ZNF197: variants seen among roughly 807,000 people sequenced by gnomAD.
ZNF197 encodes the protein zinc finger protein 197, also known as VHL-associated KRAB-A domain-containing protein.
A neutral mutation model predicts 27.4 loss-of-function variants in ZNF197; 14 were observed. The observed-to-expected ratio is 0.51, with a 90% CI of 0.34 to 0.80. The LOEUF is 0.80. Ranked by LOEUF, ZNF197 falls within the 30% of genes least tolerant of loss-of-function variation. The pLI is 0.02. For missense variants in ZNF197, 1,090 were observed against 1,222.6 expected (o/e 0.89, Z 1.62); for synonymous variants, 415 against 420.0 (o/e 0.99, Z 0.15).
rs112871853 is a variant in ZNF197, at chr3:44,631,679, G to T, written c.551-426G>T. 1.2e-3 allele frequency among the ~76,000 whole-genome samples: 179 copies of T among 151,312 alleles called. 1 individual carries two copies. The highest frequency in any genetic ancestry group is 4.1e-3 in the African/African-American group (168 of 41,248). ...GCCTCCCAAAGTGCTGGGATTACAG[G>T]TGTGAGCCACTGCACCCGGCCATTT... On this transcript the variant is annotated intron_variant, in intron 3 of 5. Coordinates refer to ENST00000344387, the MANE Select transcript of ZNF197 (RefSeq NM_006991.5).
intron 1 of ZNF197, among the ~76,000 whole-genome samples, chr3:44,625,819 T>C (rs1173639910): frequency 6.6e-6 from 1 of 152,108 alleles, no homozygotes; most frequent in Admixed American, 6.5e-5. Context: ...CGATTGTTAC[T>C]GGTTTTCTCT....
chr3:44,630,308 A>T lies in ZNF197; in HGVS notation c.391-754A>T, dbSNP rs543088052. 4.6e-5 allele frequency among the ~76,000 whole-genome samples: 7 copies of T among 152,292 alleles called. No homozygotes were observed. The East Asian group carries it at 1.4e-3, about 29-fold the overall frequency. On this transcript the variant is annotated intron_variant, in intron 2 of 5. Coordinates refer to ENST00000344387, the MANE Select transcript of ZNF197 (RefSeq NM_006991.5). ...TCTCCTCTTGTGTGCCCTACTAGGG[A>T]TCTGCAAGCCAAGGGATTGGGTTAA...
chr3:44,643,193 G>A lies in ZNF197; in HGVS notation c.2063G>A (p.Gly688Asp), dbSNP rs148048396. The A allele has an allele frequency of 1.2e-6, 2 of 1,613,344 alleles. No homozygotes were observed. The highest frequency in any genetic ancestry group is 3.3e-5 in the Admixed American group (2 of 59,902). ...TGTAAAGATTGTGGTAAGGTCTTCG[G>A]TTCAAACAGAAACCTCATTGACCAT... Reference protein sequence around the residue: ...YECKDCGKVFGSNRNLIDHER... With the variant: ...YECKDCGKVFDSNRNLIDHER... Residue 688 changes from glycine to aspartate, a missense_variant, in exon 6 of 6, where the codon GGT becomes GAT. By Grantham distance (94) the Gly-to-Asp change is moderately conservative. Transcript: ENST00000344387.
chr3:44,644,420 C>T lies in ZNF197; in HGVS notation c.*200C>T. 8.0e-7 allele frequency: 1 copy of T among 1,257,736 alleles called. No homozygotes were observed. Among genetic ancestry groups the T allele is most frequent in the Non-Finnish European group, 1.0e-6 (1 of 985,876 alleles). 77.9% of individuals were successfully genotyped at this position (1,257,736 alleles called of 1,614,324 possible). Reference sequence around the variant, plus strand: ...TTGAGAGGCCGAAGCGAGTGGATCACCTGAGGTCAGGATTTTGAGACCAGC... The same window carrying T: ...TTGAGAGGCCGAAGCGAGTGGATCATCTGAGGTCAGGATTTTGAGACCAGC... On this transcript the variant is annotated 3_prime_UTR_variant, in exon 6 of 6. Coordinates refer to ENST00000344387, the MANE Select transcript of ZNF197 (RefSeq NM_006991.5).
chr3:44,629,653 T>A, intron 2 of ZNF197, 109 bp downstream of exon 2: 1 of 1,311,488 alleles, frequency 7.6e-7, no homozygotes, highest in Non-Finnish European at 1.0e-6. Flanking sequence ...ATAGCATTAA[T>A]AGCACACTAG....
chr3:44,642,632 A>G lies in ZNF197; in HGVS notation c.1502A>G (p.Gln501Arg). 6.2e-7 allele frequency: 1 copy of G among 1,614,108 alleles called. No homozygotes were observed. Among genetic ancestry groups the G allele is most frequent in the Non-Finnish European group, 8.5e-7 (1 of 1,180,030 alleles). The change falls in exon 6 of 6, where the codon CAG (glutamine) becomes CGG (arginine). Residue 501 changes from glutamine to arginine, a missense_variant. Transcript: ENST00000344387. ...CAGAATGCTTACCTCATTGACCATC[A>G]GAGGCTCCACAAAGGGGAAGAACCT... Reference protein sequence around the residue: ...FSQNAYLIDHQRLHKGEEPYK... With the variant: ...FSQNAYLIDHRRLHKGEEPYK...
intron 2 of ZNF197, 121 bp from the exon 3 acceptor site, chr3:44,630,941 C>A: frequency 7.5e-7 from 1 of 1,340,720 alleles, no homozygotes; most frequent in Non-Finnish European, 1.1e-6. Flanking sequence ...ATGCTCCATA[C>A]TTGAGGTGGG....
In ZNF197 at chr3:44,648,257, A is replaced by G. The variant is rs1170852913; in HGVS notation, c.*4037A>G. The G allele has an allele frequency of 1.3e-5, 2 of 152,138 alleles. No individual in the cohort carries two copies. Among genetic ancestry groups the G allele is most frequent in the African/African-American group, 4.8e-5 (2 of 41,446 alleles). The allele number at this position is 152,138 out of a possible 1,614,324, so 9.4% of individuals were successfully genotyped here. A position where few individuals can be genotyped will look rare whatever the true frequency, so the allele number is the denominator to read the frequency against. On this transcript the variant is annotated 3_prime_UTR_variant, in exon 6 of 6. Transcript: ENST00000344387. ...TGGTGGTAGTTTGAAGAATATTCTT[A>G]ATCTTAAGGGATGCATGTTGAAGTA... is the stretch of plus-strand genomic sequence containing the variant.
chr3:44,647,592 T>G lies in ZNF197; in HGVS notation c.*3372T>G, dbSNP rs1703031947. ...TGGTTAAAACAAATTGTGGTTTATG[T>G]ATTACCATGGAATACTTGTTACTCT... is the stretch of plus-strand genomic sequence containing the variant. On this transcript the variant is annotated 3_prime_UTR_variant, in exon 6 of 6. Transcript: ENST00000344387. 2 of 152,362 alleles carry G rather than the reference T, an allele frequency of 1.3e-5. No individual in the cohort carries two copies. The highest frequency in any genetic ancestry group is 4.1e-4 in the South Asian group (2 of 4,832). 9.4% of individuals were successfully genotyped at this position (152,362 alleles called of 1,614,324 possible). A position where few individuals can be genotyped will look rare whatever the true frequency, so the allele number is the denominator to read the frequency against.
Position 44,643,339 on chromosome 3 carries a change from G to A in ZNF197, c.2209G>A (p.Glu737Lys). The A allele has an allele frequency of 1.9e-6, 3 of 1,613,990 alleles. No homozygotes were observed. Among genetic ancestry groups the A allele is most frequent in the Non-Finnish European group, 2.5e-6 (3 of 1,179,966 alleles). The change falls in exon 6 of 6, where the codon GAG (glutamate) becomes AAG (lysine). Residue 737 changes from glutamate to lysine, a missense_variant. Physicochemically the swap from Glu to Lys is moderately conservative, Grantham distance 56. Transcript: ENST00000344387. The part of the protein sequence containing the change: ...LHTQEKAYKC[E>K]DCGKAFSYNS... ...TACACAAGAGAAAGCCTACAAATGT[G>A]AGGATTGTGGGAAGGCTTTCAGTTA...
chr3:44,633,484 T>C (rs1440526020), intron 5 of ZNF197, among the ~76,000 whole-genome samples: 6 of 152,204 alleles, frequency 3.9e-5, no homozygotes, highest in East Asian at 3.9e-4. Context: ...TCAGTTTCAT[T>C]CCTAGGGATT....
At chr3:44,632,751 A>G (rs1376727749) in intron 5 of ZNF197, 152 bp downstream of exon 5, 3 of 975,326 alleles carry the variant, frequency 3.1e-6, no homozygotes, top group Non-Finnish European at 4.2e-6. Context: ...CCAGATAACT[A>G]TTATCATTTT....
At position 44,648,301 on chromosome 3, in the gene ZNF197, G is replaced by A. The variant is rs889502687; in HGVS notation, c.*4081G>A. 3.9e-5 allele frequency: 6 copies of A among 152,130 alleles called. No homozygotes were observed. Among genetic ancestry groups the A allele is most frequent in the African/African-American group, 9.7e-5 (4 of 41,430 alleles). 9.4% of individuals were successfully genotyped at this position (152,130 alleles called of 1,614,324 possible). On this transcript the variant is annotated 3_prime_UTR_variant, in exon 6 of 6. Coordinates refer to ENST00000344387, the MANE Select transcript of ZNF197 (RefSeq NM_006991.5). The stretch of plus-strand genomic sequence containing the variant: ...TGAAGTATTTGGAATGAAGTGTTCT[G>A]ATGTTTACAACTTTCAAAAAAATGA...
chr3:44,643,125 C>G lies in ZNF197; in HGVS notation c.1995C>G (p.Leu665=), dbSNP rs749298986. Residue 665 remains leucine (L), a synonymous_variant, in exon 6 of 6, where the codon CTC becomes CTG. Coordinates refer to ENST00000344387, the MANE Select transcript of ZNF197 (RefSeq NM_006991.5). ...CGKVFILKKS[L]ILHQRFHTGE... is the part of the protein sequence containing the mutation. Reference sequence around the variant, plus strand: ...AAGTTTTTATTCTGAAGAAGAGCCTCATTTTACATCAAAGGTTCCACACTG... The same window carrying G: ...AAGTTTTTATTCTGAAGAAGAGCCTGATTTTACATCAAAGGTTCCACACTG... The G allele has an allele frequency of 5.8e-5, 93 of 1,612,814 alleles. No individual in the cohort carries two copies. Among genetic ancestry groups the G allele is most frequent in the South Asian group, 2.9e-4 (26 of 90,902 alleles).
chr3:44,644,316 C>T lies in ZNF197; in HGVS notation c.*96C>T, dbSNP rs571077173. The stretch of plus-strand genomic sequence containing the variant: ...CTAAGGAAAAAGTTTATTATTTACT[C>T]TTTACTAGACAAATGAGTAGCATAT... On this transcript the variant is annotated 3_prime_UTR_variant, in exon 6 of 6. Coordinates refer to ENST00000344387, the MANE Select transcript of ZNF197 (RefSeq NM_006991.5). 45 of 1,465,854 alleles carry T rather than the reference C, an allele frequency of 3.1e-5. No homozygotes were observed. Among genetic ancestry groups the T allele is most frequent in the East Asian group, 2.5e-5 (1 of 40,766 alleles). The allele number at this position is 1,465,854 out of a possible 1,614,324, so 90.8% of individuals were successfully genotyped here. A position where few individuals can be genotyped will look rare whatever the true frequency, so the allele number is the denominator to read the frequency against.
In ZNF197 at chr3:44,642,253, T is replaced by C; in HGVS notation, c.1123T>C (p.Cys375Arg). The C allele has an allele frequency of 1.9e-6, 3 of 1,613,980 alleles. No homozygotes were observed. Among genetic ancestry groups the C allele is most frequent in the Non-Finnish European group, 2.5e-6 (3 of 1,179,964 alleles). ...AAAGAAGTTTTATAAATGTGATATG[T>C]GTTGTAAACATTTTAATAAAATCTC... ...EGKKFYKCDM[C>R]CKHFNKISHL... The change falls in exon 6 of 6, where the codon TGT (cysteine) becomes CGT (arginine). Residue 375 changes from cysteine to arginine, a missense_variant. Cys to Arg is a radical substitution (Grantham distance 180). Transcript: ENST00000344387.
chr3:44,643,547 T>C lies in ZNF197; in HGVS notation c.2417T>C (p.Ile806Thr), dbSNP rs751447769. 1.1e-5 allele frequency: 17 copies of C among 1,614,044 alleles called. No individual in the cohort carries two copies. The African/African-American group carries it at 2.1e-4, about 20-fold the overall frequency. Residue 806 changes from isoleucine (I) to threonine (T), a missense_variant, in exon 6 of 6, where the codon ATT becomes ACT. By Grantham distance (89) the Ile-to-Thr change is moderately conservative. Coordinates refer to ENST00000344387, the MANE Select transcript of ZNF197 (RefSeq NM_006991.5). ...TGCTTCATTCTGAAGAAAAGCCTCA[T>C]TGGACATCAGAGAATTCACACGAGG... ...GKCFILKKSLIGHQRIHTREK... is the reference protein window; with the variant it reads ...GKCFILKKSLTGHQRIHTREK...
In ZNF197 at chr3:44,644,229, G is replaced by A; in HGVS notation, c.*9G>A. On this transcript the variant is annotated 3_prime_UTR_variant, in exon 6 of 6. Coordinates refer to ENST00000344387, the MANE Select transcript of ZNF197 (RefSeq NM_006991.5). ...AGATTCAGAAAATCTAGTGTCATAT[G>A]TAAAATGGAATAGAATCCCTGCCTA... 2 of 1,568,740 alleles carry A rather than the reference G, an allele frequency of 1.3e-6. No homozygotes were observed. Among genetic ancestry groups the A allele is most frequent in the Non-Finnish European group, 1.7e-6 (2 of 1,162,034 alleles).
In ZNF197 at chr3:44,641,933, C is replaced by T. The variant is rs1702623957; in HGVS notation, c.803C>T (p.Thr268Ile). 6.2e-7 allele frequency: 1 copy of T among 1,607,438 alleles called. No homozygotes were observed. The highest frequency in any genetic ancestry group is 8.5e-7 in the Non-Finnish European group (1 of 1,177,158). The change falls in exon 6 of 6, where the codon ACA (threonine) becomes ATA (isoleucine). Residue 268 changes from threonine to isoleucine, a missense_variant. Coordinates refer to ENST00000344387, the MANE Select transcript of ZNF197 (RefSeq NM_006991.5). The stretch of plus-strand genomic sequence containing the variant: ...ACCATGACCGAGAATGAGGAGGTGA[C>T]ATCAAAGCCAAGTAGTTCTCAAAGA... ...WETMTENEEV[T>I]SKPSSSQRAD...
Sources: gnomAD v4.1 joint callset for allele counts (sites outside exome capture counted in the v4.1 genomes callset) on GRCh38, gnomAD v4.1.1 for gene constraint, MANE v1.5 for transcripts, NCBI Gene and HGNC (gene_info 2026-07-23, HGNC 2026-07-21) for gene names.